Variants in NHS observed in about 807,000 individuals in gnomAD.
The protein encoded by NHS is actin remodeling regulator NHS.
NHS carries 5 observed loss-of-function variants against 72.5 expected under a neutral mutation model. That is an observed-to-expected ratio of 0.07 (90% CI 0.04 to 0.14). NHS has a LOEUF of 0.14. Ranked by LOEUF, NHS falls within the 10% of genes least tolerant of loss-of-function variation. The pLI, the probability that NHS is intolerant of heterozygous loss-of-function variation, is 1.00. For synonymous variants in NHS, 464 were observed against 547.7 expected (o/e 0.85, Z 2.13); for missense variants, 1,072 against 1,355.7 (o/e 0.79, Z 3.29).
intron 3 of NHS, chrX:17,705,815 C>T (rs1368021282): frequency 8.9e-6 from 1 of 111,982 alleles, no homozygotes; most frequent in East Asian, 2.8e-4. Context: ...AAATATGTTG[C>T]CTCAATCTAA....
At chrX:17,701,418 T>A (rs1960813743) in intron 3 of NHS, among the ~76,000 whole-genome samples, 1 of 111,392 alleles carries the variant, frequency 9.0e-6, no homozygotes, top group South Asian at 3.8e-4. Flanking sequence ...GGCACAACAT[T>A]CAAAAATTTC....
chrX:17,402,240 C>G (rs919693182), intron 1 of NHS, among the ~76,000 whole-genome samples: 3 of 111,804 alleles, frequency 2.7e-5, no homozygotes, highest in African/African-American at 9.7e-5. Context: ...TGCTGGGGAA[C>G]AGTTTGGCAG....
At chrX:17,636,913 T>C (rs2065851655) in intron 1 of NHS, among the ~76,000 whole-genome samples, 1 of 112,194 alleles carries the variant, frequency 8.9e-6, no homozygotes, top group African/African-American at 3.2e-5. Flanking sequence ...TGCAAGTCCC[T>C]AATATCATAT....
intron 1 of NHS, among the ~76,000 whole-genome samples, chrX:17,579,575 A>G (rs745922609): frequency 1.8e-5 from 2 of 111,564 alleles, no homozygotes; most frequent in East Asian, 5.6e-4. Context: ...CTAATGAGGG[A>G]CAGGCGGACA....
intron 1 of NHS, among the ~76,000 whole-genome samples, chrX:17,470,504 C>T (rs749707504): frequency 8.9e-6 from 1 of 111,918 alleles, no homozygotes; most frequent in Admixed American, 9.5e-5. Flanking sequence ...ATCCTTCGTG[C>T]TTACCCTTTC....
intron 1 of NHS, among the ~76,000 whole-genome samples, chrX:17,634,523 T>C (rs2065835333): frequency 8.9e-6 from 1 of 111,870 alleles, no homozygotes; most frequent in Admixed American, 9.5e-5. Context: ...AGGCAAATCA[T>C]GTGCCATGAC....
At chrX:17,582,902 C>A (rs1416888749) in intron 1 of NHS, among the ~76,000 whole-genome samples, 1 of 112,524 alleles carries the variant, frequency 8.9e-6, no homozygotes, top group East Asian at 2.8e-4. Context: ...TTAGGAGGGG[C>A]CATAGCCAGC....
At position 17,385,930 on chromosome X, in the gene NHS, T is replaced by C. The variant is rs903277534; in HGVS notation, c.565+9608T>C. On this transcript the variant is annotated intron_variant, in intron 1 of 8. Transcript: ENST00000676302. Reference sequence around the variant, plus strand: ...GAGTTGGGAAAGACCTTAGTACCCATAGAATCAAACTTCTCACCCAGAGTG... The same window carrying C: ...GAGTTGGGAAAGACCTTAGTACCCACAGAATCAAACTTCTCACCCAGAGTG... 2.7e-5 allele frequency among the ~76,000 whole-genome samples: 3 copies of C among 111,840 alleles called. No individual in the cohort carries two copies. In the Admixed American group the frequency reaches 2.8e-4, roughly 11 times the overall value.
Position 17,726,390 on chromosome X carries a change from T to G in NHS, c.2284T>G (p.Phe762Val). The G allele has an allele frequency of 1.6e-6, 2 of 1,212,209 alleles. No homozygotes were observed. The highest frequency in any genetic ancestry group is 1.8e-5 in the South Asian group (1 of 57,035). The change falls in exon 7 of 9, where the codon TTT becomes GTT. Residue 762 changes from phenylalanine (F) to valine (V), a missense_variant. Transcript: ENST00000676302. ...CACAAGCATGGCCACTTATGACAGC[T>G]TTCTGGAAAAGTCTCCATCAGACAA... ...SFTSMATYDS[F>V]LEKSPSDKAD...
At chrX:17,489,022 A>G (rs903088372) in intron 1 of NHS, among the ~76,000 whole-genome samples, 11 of 111,221 alleles carry the variant, frequency 9.9e-5, no homozygotes, top group African/African-American at 3.6e-4. Flanking sequence ...ACTCCTACTT[A>G]TGAGTGAGAA....
chrX:17,659,710 T>C (rs1268431205), intron 1 of NHS, among the ~76,000 whole-genome samples: 1 of 112,393 alleles, frequency 8.9e-6, no homozygotes, highest in Non-Finnish European at 1.9e-5. Context: ...GTTCTTACTG[T>C]ATAATCACTT....
chrX:17,594,465 G>C, intron 1 of NHS, among the ~76,000 whole-genome samples: 1 of 111,727 alleles, frequency 9.0e-6, no homozygotes, highest in South Asian at 3.8e-4. Flanking sequence ...ACACGCCAAG[G>C]CTTCTCCTCC....
chrX:17,595,969 C>T (rs1425835369), intron 1 of NHS, among the ~76,000 whole-genome samples: 1 of 110,939 alleles, frequency 9.0e-6, no homozygotes, highest in Non-Finnish European at 1.9e-5. Flanking sequence ...CAAATAAGAA[C>T]TTACTGAAGG....
At chrX:17,595,371 G>T (rs1354729222) in intron 1 of NHS, among the ~76,000 whole-genome samples, 1 of 111,831 alleles carries the variant, frequency 8.9e-6, no homozygotes, top group East Asian at 2.8e-4. Flanking sequence ...TCTGCCCTAG[G>T]GTTTTGACTT....
chrX:17,500,682 T>C (rs776541238), intron 1 of NHS, among the ~76,000 whole-genome samples: 1 of 112,190 alleles, frequency 8.9e-6, no homozygotes, highest in South Asian at 3.7e-4. Context: ...TGGAAGACTT[T>C]ACGCCTCTGC....
chrX:17,626,249 C>T (rs918348605), intron 1 of NHS, among the ~76,000 whole-genome samples: 3 of 111,813 alleles, frequency 2.7e-5, no homozygotes, highest in African/African-American at 9.7e-5. Context: ...AAAACTTACT[C>T]ATTCTCATTA....
intron 1 of NHS, among the ~76,000 whole-genome samples, chrX:17,409,910 C>T (rs1015539025): frequency 4.5e-5 from 5 of 111,686 alleles, no homozygotes; most frequent in African/African-American, 1.6e-4. Context: ...AGGACTTGAG[C>T]AAAACTTGTG....
chrX:17,503,056 C>G (rs1244288707), intron 1 of NHS, among the ~76,000 whole-genome samples: 1 of 111,892 alleles, frequency 8.9e-6, no homozygotes, highest in Non-Finnish European at 1.9e-5. Flanking sequence ...TAAAAATGAC[C>G]TAATCTTTCT....
intron 1 of NHS, among the ~76,000 whole-genome samples, chrX:17,603,134 C>T (rs2065660690): frequency 9.0e-6 from 1 of 111,707 alleles, no homozygotes. Context: ...GTGTGAGCTG[C>T]TGCAACCAGC....
Sources: allele counts gnomAD v4.1 joint callset (sites outside exome capture counted in the v4.1 genomes callset), GRCh38; gene constraint gnomAD v4.1.1; transcripts MANE v1.5; gene names NCBI Gene and HGNC (gene_info 2026-07-23, HGNC 2026-07-21).